CELSR1: variants seen among roughly 807,000 people sequenced by gnomAD.
CELSR1 encodes cadherin EGF LAG seven-pass G-type receptor 1, also known as adhesion G protein-coupled receptor C1.
Under a neutral mutation model 249.1 loss-of-function variants are expected in CELSR1, and 110 were observed. The observed-to-expected ratio is 0.44, with a 90% CI of 0.38 to 0.52. The LOEUF is 0.52. CELSR1 is among the 20% of genes least tolerant of loss of function. The pLI is 0.00. For synonymous variants in CELSR1, 2,113 were observed against 1,900.0 expected (o/e 1.11, Z -2.92); for missense variants, 4,109 against 4,296.4 (o/e 0.96, Z 1.22).
At chr22:46,370,675 T>C (rs1321037029) in intron 25 of CELSR1, among the ~76,000 whole-genome samples, 1 of 152,130 alleles carries the variant, frequency 6.6e-6, no homozygotes, top group Non-Finnish European at 1.5e-5. Context: ...TATTTAAATA[T>C]TGAAGAGATC....
In CELSR1 at chr22:46,381,399, G is replaced by A. The variant is rs77854469; in HGVS notation, c.7089-444C>T. Among the ~76,000 whole-genome samples the A allele has an allele frequency of 0.02, 3,054 of 151,990 alleles. 49 individuals are homozygous for A. The highest frequency in any genetic ancestry group is 0.052 in the African/African-American group (2,154 of 41,422). On this transcript the variant is annotated intron_variant, in intron 21 of 34. Transcript: ENST00000674500. This position sits in a 1 kb window ranked among gnomAD's most constrained non-coding sequence, Gnocchi z 6.0. ...GGGAAATGGCAGGAAGAAGGAGGGCGGAGCCTTGGGCTGCTCCCACCGAGC... is the reference window on the plus strand; with the variant it reads ...GGGAAATGGCAGGAAGAAGGAGGGCAGAGCCTTGGGCTGCTCCCACCGAGC...
At chr22:46,452,021 G>A (rs987055476) in intron 2 of CELSR1, among the ~76,000 whole-genome samples, 1 of 152,154 alleles carries the variant, frequency 6.6e-6, no homozygotes, top group Admixed American at 6.5e-5. Context: ...GGAGGCAGGG[G>A]GGCTCCTCCT....
intron 2 of CELSR1, among the ~76,000 whole-genome samples, chr22:46,459,925 G>A (rs948404597): frequency 3.3e-5 from 5 of 152,152 alleles, no homozygotes; most frequent in Non-Finnish European, 4.4e-5. Context: ...GCTACAATCC[G>A]GCCAGGCGTA....
At position 46,367,763 on chromosome 22, in the gene CELSR1, A is replaced by C; in HGVS notation, c.8045T>G (p.Phe2682Cys). 1 of 1,608,802 alleles carries C rather than the reference A, an allele frequency of 6.2e-7. No homozygotes were observed. ...GCTGAAGATGGCGAAGAGGTAGTGA[A>C]AGCTCAGTGCATCGCGGTTCACAGC... The part of the protein sequence containing the change: ...LLAVNRDALS[F>C]HYLFAIFSGL... Residue 2682 changes from phenylalanine to cysteine, a missense_variant, in exon 28 of 35, where the codon TTT becomes TGT. Coordinates refer to ENST00000674500, the MANE Select transcript of CELSR1 (RefSeq NM_001378328.1).
chr22:46,389,866 C>T (rs900415625), intron 17 of CELSR1, among the ~76,000 whole-genome samples: 2 of 151,842 alleles, frequency 1.3e-5, no homozygotes, highest in African/African-American at 4.9e-5. Flanking sequence ...GAGGCAGAAT[C>T]GCTTGAATCC....
chr22:46,465,383 C>T (rs1375126228), intron 1 of CELSR1, among the ~76,000 whole-genome samples: 1 of 147,188 alleles, frequency 6.8e-6, no homozygotes, highest in Admixed American at 6.8e-5. Context: ...GAGCGTGGGG[C>T]CCCTGTCACC....
At chr22:46,489,674 AGGCCGAG>A (rs2080348689) in intron 1 of CELSR1, among the ~76,000 whole-genome samples, 1 of 152,032 alleles carries the variant, frequency 6.6e-6, no homozygotes, top group Non-Finnish European at 1.5e-5. Flanking sequence ...GCACTTTGGG[AGGCCGAG>A]ACAGGTGGAT....
Position 46,391,555 on chromosome 22 carries a change from GCATGCACACA to G in CELSR1, c.6148+68_6148+77del. The G allele has an allele frequency of 1.4e-6, 2 of 1,436,116 alleles. No homozygotes were observed. The highest frequency in any genetic ancestry group is 2.8e-5 in the African/African-American group (2 of 70,740). 89.0% of individuals were successfully genotyped at this position (1,436,116 alleles called of 1,614,324 possible). A position where few individuals can be genotyped will look rare whatever the true frequency, so the allele number is the denominator to read the frequency against. On this transcript the variant is annotated intron_variant, in intron 15 of 34. Coordinates refer to ENST00000674500, the MANE Select transcript of CELSR1 (RefSeq NM_001378328.1). The surrounding 1 kb of genome is among the most constrained non-coding windows in gnomAD (Gnocchi z 4.3). Reference sequence around the variant, plus strand: ...CCAGGGTCCCCCAAACACCCAGCGTGCATGCACACACGTGCACGCCAGTGCAGCAGCCTGT... The same window carrying G: ...CCAGGGTCCCCCAAACACCCAGCGTGCGTGCACGCCAGTGCAGCAGCCTGT...
At position 46,445,609 on chromosome 22, in the gene CELSR1, G is replaced by C. The variant is rs529832331; in HGVS notation, c.4184-6198C>G. Among the ~76,000 whole-genome samples, 5 of 152,322 alleles carry C rather than the reference G, an allele frequency of 3.3e-5. No individual in the cohort carries two copies. Among genetic ancestry groups the C allele is most frequent in the African/African-American group, 1.2e-4 (5 of 41,586 alleles). ...CTGGAAAGAGCCCATTTCCAACTGA[G>C]GTCTCATTCTGAGAGTCTGTGTGGA... On this transcript the variant is annotated intron_variant, in intron 2 of 34. Coordinates refer to ENST00000674500, the MANE Select transcript of CELSR1 (RefSeq NM_001378328.1). This position sits in a 1 kb window ranked among gnomAD's most constrained non-coding sequence, Gnocchi z 4.4.
intron 5 of CELSR1, among the ~76,000 whole-genome samples, chr22:46,416,136 C>G (rs909324983): frequency 6.7e-6 from 1 of 148,996 alleles, no homozygotes; most frequent in African/African-American, 2.5e-5. Context: ...GACAGACGAA[C>G]CGCCTCCTCA....
At chr22:46,364,829 TC>T in intron 32 of CELSR1, 93 bp from the exon 33 acceptor site, 1 of 1,259,544 alleles carries the variant, frequency 7.9e-7, no homozygotes, top group Non-Finnish European at 1.1e-6. Flanking sequence ...GACCCACCTC[TC>T]CCCAACCTGC....
intron 5 of CELSR1, among the ~76,000 whole-genome samples, chr22:46,431,514 T>C (rs1476593935): frequency 3.3e-5 from 5 of 152,210 alleles, no homozygotes; most frequent in Admixed American, 2.6e-4. Context: ...CTATGCCCTA[T>C]GCTTCCCTGA....
At position 46,404,691 on chromosome 22, in the gene CELSR1, G is replaced by C. The variant is rs570712317; in HGVS notation, c.5226+4305C>G. On this transcript the variant is annotated intron_variant, in intron 9 of 34. Transcript: ENST00000674500. ...TTTAGTAGAAACAAGGTTTCTCCAT[G>C]ATGGCCAGGCTGGTCTTGAACTCCT... is the stretch of plus-strand genomic sequence containing the variant. Among the ~76,000 whole-genome samples, 306 of 152,286 alleles carry C rather than the reference G, an allele frequency of 2.0e-3. 1 individual carries two copies. The highest frequency in any genetic ancestry group is 6.9e-3 in the African/African-American group (287 of 41,556).
In CELSR1 at chr22:46,367,707, G is replaced by A. The variant is rs570865051; in HGVS notation, c.8079+22C>T. On this transcript the variant is annotated intron_variant, in intron 28 of 34. Coordinates refer to ENST00000674500, the MANE Select transcript of CELSR1 (RefSeq NM_001378328.1). ...CACGGCGGCCAGGCAGGGGTCCCGC[G>A]GGCAACTCGGCCGTCACCTACCTGT... 62 of 1,580,878 alleles carry A rather than the reference G, an allele frequency of 3.9e-5. No individual in the cohort carries two copies. In the East Asian group the frequency reaches 1.0e-3, roughly 26 times the overall value.
rs143146959 is a variant in CELSR1, at chr22:46,436,372, G to A, written c.4407-83C>T. On this transcript the variant is annotated intron_variant, in intron 3 of 34. Coordinates refer to ENST00000674500, the MANE Select transcript of CELSR1 (RefSeq NM_001378328.1). This position sits in a 1 kb window ranked among gnomAD's most constrained non-coding sequence, Gnocchi z 5.9. ...CTAGGAATGACAAGTCCAGCCGGAG[G>A]AGGGCAAGCACGTGGGGCTACGATT... The A allele has an allele frequency of 1.2e-3, 1,211 of 982,196 alleles. 5 individuals are homozygous for A. The African/African-American group carries it at 0.016, about 13-fold the overall frequency. The allele number at this position is 982,196 out of a possible 1,614,324, so 60.8% of individuals were successfully genotyped here.
At position 46,518,999 on chromosome 22, in the gene CELSR1, C is replaced by T. The variant is rs563901794; in HGVS notation, c.3544+14628G>A. Among the ~76,000 whole-genome samples the T allele has an allele frequency of 1.3e-3, 195 of 152,152 alleles. 2 individuals carry two copies. Among genetic ancestry groups the T allele is most frequent in the Non-Finnish European group, 2.1e-3 (140 of 67,992 alleles). Reference sequence around the variant, plus strand: ...AATGAGCCAAGATTGAGCCACTGTACTCCAGCCTGGGTAACGGAGCGAGAC... The same window carrying T: ...AATGAGCCAAGATTGAGCCACTGTATTCCAGCCTGGGTAACGGAGCGAGAC... On this transcript the variant is annotated intron_variant, in intron 1 of 34. Coordinates refer to ENST00000674500, the MANE Select transcript of CELSR1 (RefSeq NM_001378328.1). This position sits in a 1 kb window ranked among gnomAD's most constrained non-coding sequence, Gnocchi z 5.2.
intron 2 of CELSR1, among the ~76,000 whole-genome samples, chr22:46,449,932 TCA>T (rs746674269): frequency 8.0e-6 from 1 of 124,520 alleles, no homozygotes; most frequent in East Asian, 2.1e-4. Flanking sequence ...GCTCACGTGC[TCA>T]CACACACTCA....
Position 46,378,577 on chromosome 22 carries a change from G to T in CELSR1, c.7383+14C>A. Reference sequence around the variant, plus strand: ...TAGGCCCAGAGGGCACAGTGGCCACGGGAGGATGCCCACCTCACGCCTGGA... The same window carrying T: ...TAGGCCCAGAGGGCACAGTGGCCACTGGAGGATGCCCACCTCACGCCTGGA... On this transcript the variant is annotated intron_variant, in intron 23 of 34. Coordinates refer to ENST00000674500, the MANE Select transcript of CELSR1 (RefSeq NM_001378328.1). 2 of 1,554,930 alleles carry T rather than the reference G, an allele frequency of 1.3e-6. No homozygotes were observed. The highest frequency in any genetic ancestry group is 2.4e-5 in the East Asian group (1 of 41,518).
chr22:46,403,759 G>A (rs989519451), intron 9 of CELSR1, among the ~76,000 whole-genome samples: 2 of 151,930 alleles, frequency 1.3e-5, no homozygotes, highest in Admixed American at 6.6e-5. Context: ...GATCACCTGA[G>A]GTCAGGGGAT....
Sources: gnomAD v4.1 joint callset for allele counts (sites outside exome capture counted in the v4.1 genomes callset) on GRCh38, gnomAD v4.1.1 for gene constraint, Gnocchi (gnomAD v3.1) non-coding constraint, MANE v1.5 for transcripts, NCBI Gene and HGNC (gene_info 2026-07-23, HGNC 2026-07-21) for gene names.